Variants in PROSER2 observed in about 807,000 individuals in gnomAD.
PROSER2 encodes proline and serine-rich protein 2.
A neutral mutation model predicts 14.6 loss-of-function variants in PROSER2; 18 were observed. That is an observed-to-expected ratio of 1.23 (90% CI 0.85 to 1.83). The LOEUF is 1.83. Ranked by LOEUF, PROSER2 falls within the 40% of genes most tolerant of loss-of-function variation. The pLI, the probability that PROSER2 is intolerant of heterozygous loss-of-function variation, is 0.00. For synonymous variants in PROSER2, 367 were observed against 286.4 expected, an observed-to-expected ratio of 1.28 and a Z score of -2.84; for missense variants, 823 against 629.8, an observed-to-expected ratio of 1.31 and a Z score of -3.28.
In PROSER2 at chr10:11,871,526, G is replaced by C. The variant is rs1323369811; in HGVS notation, c.*1120G>C. The stretch of plus-strand genomic sequence containing the variant: ...AGCCAGTCAACAGAAGGAAGCAAAA[G>C]ATTCTTAAAGATCCACCGACTGTCA... On this transcript the variant is annotated 3_prime_UTR_variant, in exon 4 of 4. Transcript: ENST00000277570. 6.6e-6 allele frequency: 1 copy of C among 152,214 alleles called. No individual in the cohort carries two copies. The highest frequency in any genetic ancestry group is 1.5e-5 in the Non-Finnish European group (1 of 68,032). The allele number at this position is 152,214 out of a possible 1,614,324, so 9.4% of individuals were successfully genotyped here. A position where few individuals can be genotyped will look rare whatever the true frequency, so the allele number is the denominator to read the frequency against.
At chr10:11,833,862 C>T (rs916980679) in intron 1 of PROSER2, among the ~76,000 whole-genome samples, 2 of 151,872 alleles carry the variant, frequency 1.3e-5, no homozygotes, top group African/African-American at 4.8e-5. Flanking sequence ...GCGGGGAGGC[C>T]AGTGATGAAG....
Position 11,866,561 on chromosome 10 carries a change from G to A in PROSER2, c.169G>A (p.Glu57Lys). The change falls in exon 3 of 4, where the codon GAG (glutamate) becomes AAG (lysine). Residue 57 changes from glutamate (E) to lysine (K), a missense_variant. Transcript: ENST00000277570. This position sits in a 1 kb window ranked among gnomAD's most constrained non-coding sequence, Gnocchi z 6.0. ...DDESLKYLTHEEKDVLLFFEE... is the reference protein window; with the variant it reads ...DDESLKYLTHKEKDVLLFFEE... ...TGAGAGCCTGAAGTACCTCACCCAT[G>A]AGGAAAAGGATGTGCTCCTGTTTTT... 2.5e-6 allele frequency: 4 copies of A among 1,614,184 alleles called. No homozygotes were observed. Among genetic ancestry groups the A allele is most frequent in the Non-Finnish European group, 3.4e-6 (4 of 1,180,038 alleles).
chr10:11,844,601 A>C (rs1564305377), intron 1 of PROSER2, among the ~76,000 whole-genome samples: 1 of 152,160 alleles, frequency 6.6e-6, no homozygotes, highest in African/African-American at 2.4e-5. Flanking sequence ...ATCTTTACTC[A>C]TCAGTACATG....
intron 2 of PROSER2, among the ~76,000 whole-genome samples, chr10:11,852,870 A>AAAGTGCTGGGATTAT (rs1588492734): frequency 2.8e-5 from 4 of 141,560 alleles, no homozygotes; most frequent in East Asian, 2.4e-4. Flanking sequence ...CCGGCCACTC[A>AAAGTGCTGGGATTAT]AGCTGATGTT....
At chr10:11,850,401 A>C (rs984527653) in intron 1 of PROSER2, 9 of 152,192 alleles carry the variant, frequency 5.9e-5, no homozygotes, top group African/African-American at 1.9e-4. Context: ...GAGTGTGGCC[A>C]TTTGCTCCTG....
intron 3 of PROSER2, among the ~76,000 whole-genome samples, chr10:11,868,288 T>C (rs992905939): frequency 6.6e-6 from 1 of 152,246 alleles, no homozygotes; most frequent in African/African-American, 2.4e-5. Context: ...TTTCTTTCAT[T>C]TTTCTGAGAC....
rs1437745306 is a variant in PROSER2, at chr10:11,865,528, A to T, written c.139-1003A>T. On this transcript the variant is annotated intron_variant, in intron 2 of 3. Transcript: ENST00000277570. This position sits in a 1 kb window ranked among gnomAD's most constrained non-coding sequence, Gnocchi z 4.2. ...TGCGCATACTCCAGAGTAGGACAGT[A>T]AGAAACTGCTGCGCAGTTCTACACT... Among the ~76,000 whole-genome samples, 1 of 152,238 alleles carries T rather than the reference A, an allele frequency of 6.6e-6. No individual in the cohort carries two copies. Among genetic ancestry groups the T allele is most frequent in the Non-Finnish European group, 1.5e-5 (1 of 68,054 alleles).
chr10:11,852,428 C>T (rs1490609958), intron 2 of PROSER2, among the ~76,000 whole-genome samples: 4 of 152,188 alleles, frequency 2.6e-5, no homozygotes, highest in Non-Finnish European at 4.4e-5. Context: ...GCAAATCCCT[C>T]GCTGTGGCCA....
At chr10:11,845,248 C>T (rs934166174) in intron 1 of PROSER2, among the ~76,000 whole-genome samples, 2 of 152,068 alleles carry the variant, frequency 1.3e-5, no homozygotes, top group East Asian at 3.9e-4. Context: ...ATGCGGTTGC[C>T]CCCTGAGGGG....
chr10:11,826,868 C>CCATGCT, intron 1 of PROSER2, among the ~76,000 whole-genome samples: 1 of 148,760 alleles, frequency 6.7e-6, no homozygotes, highest in East Asian at 2.0e-4. Context: ...GCATGAGCCA[C>CCATGCT]TGCACCCGGC....
chr10:11,827,555 T>G (rs921112236), intron 1 of PROSER2, among the ~76,000 whole-genome samples: 1 of 152,172 alleles, frequency 6.6e-6, no homozygotes, highest in Non-Finnish European at 1.5e-5. Context: ...ATCTTCTGCC[T>G]GTTGTAGTTC....
Position 11,823,417 on chromosome 10 carries a change from C to G in PROSER2, c.-135C>G, listed in dbSNP as rs954828200. ...CCAGACGGGCGGCGGCGTGAGGGCT[C>G]CGGGTCGCTGGCGGCGTGGACACCT... On this transcript the variant is annotated 5_prime_UTR_variant, in exon 1 of 4. Coordinates refer to ENST00000277570, the MANE Select transcript of PROSER2 (RefSeq NM_153256.4). This position sits in a 1 kb window ranked among gnomAD's most constrained non-coding sequence, Gnocchi z 6.2. The G allele has an allele frequency of 2.6e-5, 4 of 154,152 alleles. No individual in the cohort carries two copies. Among genetic ancestry groups the G allele is most frequent in the African/African-American group, 9.7e-5 (4 of 41,378 alleles). 9.5% of individuals were successfully genotyped at this position (154,152 alleles called of 1,614,324 possible).
rs1834435743 is a variant in PROSER2, at chr10:11,869,887, G to A, written c.789G>A (p.Ala263=). ...GCAACATCATCGTCACCAACGGCGC[G>A]GCCCGGGAGCCCCGCAGGACCCTGT... ...FPSNIIVTNG[A]AREPRRTLSR... The change falls in exon 4 of 4, where the codon GCG becomes GCA. Residue 263 remains alanine (A), a synonymous_variant. Transcript: ENST00000277570. The surrounding 1 kb of genome is among the most constrained non-coding windows in gnomAD (Gnocchi z 4.4). 6.3e-7 allele frequency: 1 copy of A among 1,590,798 alleles called. No individual in the cohort carries two copies. Among genetic ancestry groups the A allele is most frequent in the Non-Finnish European group, 8.5e-7 (1 of 1,171,242 alleles).
chr10:11,842,596 C>T (rs549926560), intron 1 of PROSER2, among the ~76,000 whole-genome samples: 3 of 152,244 alleles, frequency 2.0e-5, no homozygotes, highest in African/African-American at 7.2e-5. Context: ...GAAAACAAGA[C>T]TGTTTGATAT....
At position 11,866,699 on chromosome 10, in the gene PROSER2, G is replaced by T. The variant is rs138741800; in HGVS notation, c.307G>T (p.Glu103Ter). ...SLEESTSSPS[E>*]PEDVIDLVQP... ...GGAGGAGAGCACCTCCAGTCCCTCC[G>T]AGCCTGAAGATGTCATCGACTTAGT... Residue 103 changes from glutamate to a stop codon, truncating the protein, a stop_gained, in exon 3 of 4, where the codon GAG (glutamate) becomes TAG (stop). Transcript: ENST00000277570. LOFTEE classifies it high-confidence loss of function. The surrounding 1 kb of genome is among the most constrained non-coding windows in gnomAD (Gnocchi z 6.0). The T allele has an allele frequency of 5.6e-6, 9 of 1,613,944 alleles. No homozygotes were observed. The highest frequency in any genetic ancestry group is 5.9e-6 in the Non-Finnish European group (7 of 1,180,028).
chr10:11,855,604 T>G (rs958974872), intron 2 of PROSER2, among the ~76,000 whole-genome samples: 5 of 152,288 alleles, frequency 3.3e-5, no homozygotes, highest in Admixed American at 3.3e-4. Flanking sequence ...TTAGAAACTT[T>G]TCTCCTGAGC....
In PROSER2 at chr10:11,870,132, TC is replaced by T; in HGVS notation, c.1037del (p.Pro346GlnfsTer7). 2 of 1,388,010 alleles carry T rather than the reference TC, an allele frequency of 1.4e-6. No individual in the cohort carries two copies. The highest frequency in any genetic ancestry group is 1.9e-6 in the Non-Finnish European group (2 of 1,076,876). 86.0% of individuals were successfully genotyped at this position (1,388,010 alleles called of 1,614,324 possible). A position where few individuals can be genotyped will look rare whatever the true frequency, so the allele number is the denominator to read the frequency against. On this transcript the variant is annotated frameshift_variant, in exon 4 of 4. Transcript: ENST00000277570. LOFTEE classifies it low-confidence loss of function (END_TRUNC). ...APRGPALANG[F>X]PSAHEALKSA... ...CGGGGCCCGGCGCTGGCCAACGGCT[TC>T]CCAAGTGCGCACGAGGCCCTGAAGA... is the stretch of plus-strand genomic sequence containing the variant.
In PROSER2 at chr10:11,852,037, C is replaced by G; in HGVS notation, c.-41C>G. ...GCAGAATGGGCTGCTGGCTCCTGCCCTGCTTCCTGTGATCGAGCCGGCCCT... is the reference window on the plus strand; with the variant it reads ...GCAGAATGGGCTGCTGGCTCCTGCCGTGCTTCCTGTGATCGAGCCGGCCCT... On this transcript the variant is annotated 5_prime_UTR_variant, in exon 2 of 4. Transcript: ENST00000277570. 6.4e-7 allele frequency: 1 copy of G among 1,559,764 alleles called. No individual in the cohort carries two copies. Among genetic ancestry groups the G allele is most frequent in the Non-Finnish European group, 8.7e-7 (1 of 1,151,412 alleles).
Position 11,870,316 on chromosome 10 carries a change from C to T in PROSER2, c.1218C>T (p.Gly406=), listed in dbSNP as rs1158123291. 1 of 1,497,618 alleles carries T rather than the reference C, an allele frequency of 6.7e-7. No individual in the cohort carries two copies. Among genetic ancestry groups the T allele is most frequent in the East Asian group, 2.8e-5 (1 of 35,954 alleles). 92.8% of individuals were successfully genotyped at this position (1,497,618 alleles called of 1,614,324 possible). ...RRADSLPRPQ[G]ITVQFAGRGS... Reference sequence around the variant, plus strand: ...CAGACTCCCTGCCCCGGCCCCAGGGCATCACCGTGCAGTTCGCGGGCCGCG... The same window carrying T: ...CAGACTCCCTGCCCCGGCCCCAGGGTATCACCGTGCAGTTCGCGGGCCGCG... The change falls in exon 4 of 4, where the codon GGC becomes GGT. Residue 406 remains glycine, a synonymous_variant. Transcript: ENST00000277570.
Sources: allele counts gnomAD v4.1 joint callset (sites outside exome capture counted in the v4.1 genomes callset), GRCh38; gene constraint gnomAD v4.1.1; non-coding constraint Gnocchi (gnomAD v3.1); transcripts MANE v1.5; gene names NCBI Gene and HGNC (gene_info 2026-07-23, HGNC 2026-07-21).